Variants in SHPRH observed in about 807,000 individuals in gnomAD.
SHPRH encodes SNF2 histone linker PHD RING helicase.
In SHPRH, 106 loss-of-function variants were observed where a neutral mutation model predicts 202.5. The observed-to-expected ratio is 0.52, with a 90% confidence interval of 0.45 to 0.62. The LOEUF (loss-of-function observed/expected upper bound fraction) is 0.62, where lower values mean the gene tolerates loss of function less well. SHPRH is among the 20% of genes least tolerant of loss of function. SHPRH has a pLI of 0.00. For missense variants in SHPRH, 1,710 were observed against 2,020.0 expected (o/e 0.85, Z 2.94); for synonymous variants, 729 against 686.0 (o/e 1.06, Z -0.98).
chr6:145,933,114 C>T lies in SHPRH; in HGVS notation c.3055G>A (p.Ala1019Thr). 1 of 1,613,910 alleles carries T rather than the reference C, an allele frequency of 6.2e-7. No individual in the cohort carries two copies. The highest frequency in any genetic ancestry group is 8.5e-7 in the Non-Finnish European group (1 of 1,179,902). ...QKKCGTECEE[A>T]HRQLVCALNG... Reference sequence around the variant, plus strand: ...AGAGCACAAACTAGCTGTCGATGTGCTTCTTCACATTCAGTTCCACATTTC... The same window carrying T: ...AGAGCACAAACTAGCTGTCGATGTGTTTCTTCACATTCAGTTCCACATTTC... Residue 1019 changes from alanine (A) to threonine (T), a missense_variant, in exon 14 of 30, where the codon GCA (alanine) becomes ACA (threonine). Ala to Thr is a moderately conservative substitution (Grantham distance 58). Coordinates refer to ENST00000275233, the MANE Select transcript of SHPRH (RefSeq NM_001042683.3).
intron 11 of SHPRH, among the ~76,000 whole-genome samples, chr6:145,938,725 T>C (rs920836398): frequency 5.3e-5 from 8 of 152,154 alleles, no homozygotes; most frequent in African/African-American, 1.7e-4. Flanking sequence ...AGGACTTAAA[T>C]GTTTAAGGAA....
At chr6:145,936,918 C>T (rs983399110) in intron 11 of SHPRH, among the ~76,000 whole-genome samples, 1 of 151,658 alleles carries the variant, frequency 6.6e-6, no homozygotes, top group Admixed American at 6.6e-5. Context: ...GTCCCAAAGC[C>T]GTCTCAAACT....
chr6:145,934,087 C>T (rs1177160736), intron 13 of SHPRH, among the ~76,000 whole-genome samples: 1 of 151,980 alleles, frequency 6.6e-6, no homozygotes, highest in African/African-American at 2.4e-5. Context: ...GCCTGTCATC[C>T]CAACAGTTTG....
intron 4 of SHPRH, among the ~76,000 whole-genome samples, chr6:145,949,311 A>C (rs560372802): frequency 6.6e-6 from 1 of 152,252 alleles, no homozygotes; most frequent in Admixed American, 6.5e-5. Context: ...AAATCAACTT[A>C]AGTGCCCATC....
intron 23 of SHPRH, among the ~76,000 whole-genome samples, chr6:145,915,824 C>T (rs200507654): frequency 1.9e-5 from 1 of 52,326 alleles, no homozygotes; most frequent in South Asian, 6.3e-4. Flanking sequence ...TTTTTCTTTA[C>T]TTATTCTGCT....
At chr6:145,956,197 T>C (rs913730740) in intron 1 of SHPRH, among the ~76,000 whole-genome samples, 1 of 152,026 alleles carries the variant, frequency 6.6e-6, no homozygotes, top group Non-Finnish European at 1.5e-5. Context: ...GAGTCAAACA[T>C]GCATAAAACT....
At chr6:145,933,855 A>G (rs1421975403) in intron 13 of SHPRH, among the ~76,000 whole-genome samples, 1 of 152,204 alleles carries the variant, frequency 6.6e-6, no homozygotes, top group Admixed American at 6.5e-5. Flanking sequence ...AGTATTATGA[A>G]CACAAATTTC....
intron 2 of SHPRH, among the ~76,000 whole-genome samples, chr6:145,876,194 G>C (rs1394147598): frequency 6.6e-6 from 1 of 152,106 alleles, no homozygotes; most frequent in Non-Finnish European, 1.5e-5. Flanking sequence ...AACCACTAAT[G>C]TAATTTCTGT....
chr6:145,905,291 G>C (rs1364596782), intron 25 of SHPRH: 1 of 152,412 alleles, frequency 6.6e-6, no homozygotes, highest in African/African-American at 2.4e-5. Flanking sequence ...GAAACTATAG[G>C]AGTGGGAAGA....
intron 2 of SHPRH, among the ~76,000 whole-genome samples, chr6:145,872,730 C>T (rs1780110525): frequency 6.6e-6 from 1 of 152,198 alleles, no homozygotes; most frequent in African/African-American, 2.4e-5. Context: ...TATAAAGACA[C>T]ATGCACATAT....
intron 11 of SHPRH, among the ~76,000 whole-genome samples, chr6:145,937,109 G>A (rs556088921): frequency 1.3e-5 from 2 of 150,406 alleles, no homozygotes; most frequent in South Asian, 4.3e-4. Flanking sequence ...TCAGCCTCCC[G>A]ACTAGCTGGG....
At chr6:145,888,273 T>G (rs1015109148) in intron 28 of SHPRH, among the ~76,000 whole-genome samples, 173 bp from the exon 29 acceptor site, 7 of 152,144 alleles carry the variant, frequency 4.6e-5, no homozygotes, top group African/African-American at 1.7e-4. Flanking sequence ...TGAGCTGACA[T>G]TCTAATGAGA....
At chr6:145,959,158 C>T (rs1437564505) in intron 1 of SHPRH, among the ~76,000 whole-genome samples, 1 of 152,066 alleles carries the variant, frequency 6.6e-6, no homozygotes, top group East Asian at 1.9e-4. Context: ...TTTTAATAAA[C>T]TTTGTGTAGC....
chr6:145,874,691 C>A (rs950180199), intron 2 of SHPRH, among the ~76,000 whole-genome samples: 1 of 152,106 alleles, frequency 6.6e-6, no homozygotes, highest in Non-Finnish European at 1.5e-5. Context: ...GTTTTTTCAT[C>A]TGTAAATTTT....
intron 2 of SHPRH, among the ~76,000 whole-genome samples, chr6:145,867,613 TATATATATATATATATATAG>T (rs1779838324): frequency 1.6e-5 from 1 of 63,572 alleles, no homozygotes; most frequent in East Asian, 5.6e-4. Context: ...TATATATATA[TATATATATATATATATATAG>T]AGAGAGAGAG....
At chr6:145,858,582 G>A in the SHPRH span, among the ~76,000 whole-genome samples, 1 of 151,878 alleles carries the variant, frequency 6.6e-6, no homozygotes, top group Admixed American at 6.6e-5. Context: ...AAGGGAGAGA[G>A]GGATTACAAA....
chr6:145,930,340 GAA>G (rs1379491214), intron 14 of SHPRH, among the ~76,000 whole-genome samples: 1 of 151,894 alleles, frequency 6.6e-6, no homozygotes, highest in Non-Finnish European at 1.5e-5. Context: ...GGTAGCAGCT[GAA>G]GTCTCCGATA....
At chr6:145,868,739 C>T (rs1335969705) in intron 2 of SHPRH, among the ~76,000 whole-genome samples, 1 of 152,092 alleles carries the variant, frequency 6.6e-6, no homozygotes, top group African/African-American at 2.4e-5. Flanking sequence ...CAGCCTCAGC[C>T]GTCAATTGTT....
rs1317550148 is a variant in SHPRH, at chr6:145,955,259, G to A, written c.64C>T (p.His22Tyr). ...RVDEEKRQQLHWNMHEDRRNE... is the reference protein window; with the variant it reads ...RVDEEKRQQLYWNMHEDRRNE... ...CTTCTGTCCTCATGCATATTCCAAT[G>A]AAGCTGCTGCCTCTTTTCCTCATCT... Residue 22 changes from histidine (H) to tyrosine (Y), a missense_variant, in exon 2 of 30, where the codon CAT becomes TAT. Transcript: ENST00000275233. The A allele has an allele frequency of 1.2e-6, 2 of 1,612,308 alleles. No homozygotes were observed. The highest frequency in any genetic ancestry group is 2.2e-5 in the South Asian group (2 of 91,062).
Sources: allele counts gnomAD v4.1 joint callset (sites outside exome capture counted in the v4.1 genomes callset), GRCh38; gene constraint gnomAD v4.1.1; transcripts MANE v1.5; gene names NCBI Gene and HGNC (gene_info 2026-07-23, HGNC 2026-07-21).